PRICKLE2: variants seen among roughly 807,000 people sequenced by gnomAD.
The protein encoded by PRICKLE2 is prickle-like protein 2.
Under a neutral mutation model 81.4 loss-of-function variants are expected in PRICKLE2, and 21 were observed. That is an observed-to-expected ratio of 0.26 (90% CI 0.18 to 0.37). PRICKLE2 has a LOEUF of 0.37. Ranked by LOEUF, PRICKLE2 falls within the 10% of genes least tolerant of loss-of-function variation. The pLI is 1.00. For synonymous variants in PRICKLE2, 456 were observed against 421.5 expected, an observed-to-expected ratio of 1.08 and a Z score of -1.00; for missense variants, 940 against 1,109.0, an observed-to-expected ratio of 0.85 and a Z score of 2.16.
At chr3:64,157,990 C>A (rs1174582954) in intron 4 of PRICKLE2, among the ~76,000 whole-genome samples, 1 of 152,246 alleles carries the variant, frequency 6.6e-6, no homozygotes, top group African/African-American at 2.4e-5. Flanking sequence ...CCCTTCCCTA[C>A]CTTCTCACTC....
At chr3:64,228,578 TG>T (rs2079060458), upstream of PRICKLE2, among the ~76,000 whole-genome samples, 1 of 151,536 alleles carries the variant, frequency 6.6e-6, no homozygotes, top group Non-Finnish European at 1.5e-5. Flanking sequence ...TTAGAAAAAG[TG>T]AGAAAAAACT....
At chr3:64,240,700 G>T (rs1024838002) in intron 2 of PRICKLE2, among the ~76,000 whole-genome samples, 1 of 152,162 alleles carries the variant, frequency 6.6e-6, no homozygotes, top group East Asian at 1.9e-4. Flanking sequence ...TGGACCAGCA[G>T]CCTCAGTATC....
intron 2 of PRICKLE2, among the ~76,000 whole-genome samples, chr3:64,243,691 T>G (rs1361707766): frequency 1.3e-5 from 2 of 152,226 alleles, no homozygotes; most frequent in Non-Finnish European, 2.9e-5. Flanking sequence ...GCAGAGTGCC[T>G]GACACATAGT....
At chr3:64,131,551 T>TG (rs1163976110) in intron 7 of PRICKLE2, among the ~76,000 whole-genome samples, 1 of 152,270 alleles carries the variant, frequency 6.6e-6, no homozygotes, top group African/African-American at 2.4e-5. Flanking sequence ...GGAAAGGTTT[T>TG]GTGCTTTAAT....
At chr3:64,245,072 G>A (rs1226128260) in intron 2 of PRICKLE2, among the ~76,000 whole-genome samples, 2 of 152,084 alleles carry the variant, frequency 1.3e-5, no homozygotes, top group African/African-American at 4.8e-5. Context: ...ACTAATAAGA[G>A]GTAAGAAGCA....
intron 2 of PRICKLE2, among the ~76,000 whole-genome samples, chr3:64,188,393 C>G (rs1286996334): frequency 1.3e-5 from 2 of 152,180 alleles, no homozygotes; most frequent in Non-Finnish European, 2.9e-5. Flanking sequence ...TAATGGCTCT[C>G]AAGCTTTGTC....
intron 7 of PRICKLE2, chr3:64,146,620 G>T (rs1208577895): frequency 5.3e-6 from 3 of 561,226 alleles, no homozygotes; most frequent in East Asian, 3.2e-5. Context: ...GCGGGCACCT[G>T]TAGTCCCAAC....
At chr3:64,211,177 A>G (rs17070152) in intron 1 of PRICKLE2, among the ~76,000 whole-genome samples, 7,790 of 152,246 alleles carry the variant, frequency 0.051, 666 homozygotes, top group African/African-American at 0.17. Flanking sequence ...AGCAGGCTCA[A>G]CCAACAAGGT....
intron 7 of PRICKLE2, among the ~76,000 whole-genome samples, chr3:64,107,538 T>G (rs145712544): frequency 6.6e-6 from 1 of 152,296 alleles, no homozygotes; most frequent in Non-Finnish European, 1.5e-5. Flanking sequence ...GAGCTGTGTT[T>G]CTGCCAACTT....
chr3:64,115,903 T>C (rs75107115), intron 7 of PRICKLE2, among the ~76,000 whole-genome samples: 6,966 of 152,166 alleles, frequency 0.046, 335 homozygotes, highest in East Asian at 0.28. Flanking sequence ...ATTCTTCTCA[T>C]CACCACATGG....
At chr3:64,262,020 A>AT (rs1359192480) in intron 2 of PRICKLE2, among the ~76,000 whole-genome samples, 1 of 152,212 alleles carries the variant, frequency 6.6e-6, no homozygotes, top group Middle Eastern at 3.4e-3. Flanking sequence ...TTTCTATCAT[A>AT]TTTTTTACAG....
chr3:64,172,294 G>T (rs191156310), intron 2 of PRICKLE2, among the ~76,000 whole-genome samples: 2 of 152,330 alleles, frequency 1.3e-5, no homozygotes, highest in African/African-American at 4.8e-5. Context: ...TTGCGTATAT[G>T]CCCTATTAAA....
intron 2 of PRICKLE2, among the ~76,000 whole-genome samples, chr3:64,197,089 C>T (rs769263416): frequency 9.9e-5 from 15 of 152,188 alleles, no homozygotes; most frequent in Non-Finnish European, 2.1e-4. Flanking sequence ...ATTAGTATCA[C>T]TACTCTTAAG....
At position 64,097,229 on chromosome 3, in the gene PRICKLE2, C is replaced by T. The variant is rs551840081; in HGVS notation, c.*1822G>A. 46 of 152,682 alleles carry T rather than the reference C, an allele frequency of 3.0e-4. 2 individuals are homozygous for T. In the East Asian group the frequency reaches 7.5e-3, roughly 25 times the overall value. 9.5% of individuals were successfully genotyped at this position (152,682 alleles called of 1,614,324 possible). ...AAAAGCAAATTATTTTAATACATCC[C>T]GAATGGAGTGCCATTACCATGTCCT... On this transcript the variant is annotated 3_prime_UTR_variant, in exon 8 of 8. Coordinates refer to ENST00000638394, the MANE Select transcript of PRICKLE2 (RefSeq NM_198859.4).
At chr3:64,123,794 A>G (rs936641586) in intron 7 of PRICKLE2, among the ~76,000 whole-genome samples, 4 of 152,210 alleles carry the variant, frequency 2.6e-5, no homozygotes, top group African/African-American at 9.6e-5. Context: ...TGTGTGTTCT[A>G]ACTGCTCCAC....
intron 2 of PRICKLE2, chr3:64,163,446 C>T (rs939006361): frequency 2.6e-5 from 11 of 429,946 alleles, no homozygotes; most frequent in Non-Finnish European, 4.8e-5. Flanking sequence ...TCGGCAGACT[C>T]CCCTGAGAGC....
chr3:64,155,354 G>A (rs1213913608), intron 5 of PRICKLE2, among the ~76,000 whole-genome samples: 2 of 134,716 alleles, frequency 1.5e-5, no homozygotes, highest in African/African-American at 2.6e-5. Flanking sequence ...TACCCATTAC[G>A]ATAGCTATAA....
chr3:64,156,169 G>C (rs894738514), intron 5 of PRICKLE2, among the ~76,000 whole-genome samples: 1 of 152,142 alleles, frequency 6.6e-6, no homozygotes. Context: ...CACAGAGTTG[G>C]ACCTGAATTT....
intron 2 of PRICKLE2, among the ~76,000 whole-genome samples, chr3:64,264,289 G>A (rs896328295): frequency 3.3e-5 from 5 of 152,230 alleles, no homozygotes; most frequent in African/African-American, 1.2e-4. Flanking sequence ...TAGGGTTGTC[G>A]TAAGGGTTTT....
Sources: allele counts gnomAD v4.1 joint callset (sites outside exome capture counted in the v4.1 genomes callset), GRCh38; gene constraint gnomAD v4.1.1; transcripts MANE v1.5; gene names NCBI Gene and HGNC (gene_info 2026-07-23, HGNC 2026-07-21).